Variants in FAM120A observed in about 807,000 individuals in gnomAD.
FAM120A encodes the protein constitutive coactivator of PPAR-gamma-like protein 1.
A neutral mutation model predicts 109.7 loss-of-function variants in FAM120A; 15 were observed. The ratio of observed to expected loss-of-function variants is 0.14; its 90% CI spans 0.09 to 0.21. The LOEUF (loss-of-function observed/expected upper bound fraction) is 0.21, where lower values mean the gene tolerates loss of function less well. Ranked by LOEUF, FAM120A falls within the 10% of genes least tolerant of loss-of-function variation. The probability of loss-of-function intolerance (pLI) is 1.00; values close to 1 mark genes in which losing one functional copy is unlikely to be tolerated. For synonymous variants in FAM120A, 493 were observed against 572.8 expected (o/e 0.86, Z 1.99); for missense variants, 899 against 1,439.3 (o/e 0.62, Z 6.07).
intron 2 of FAM120A, among the ~76,000 whole-genome samples, chr9:93,474,146 T>A (rs189139906): frequency 6.6e-6 from 1 of 152,316 alleles, no homozygotes; most frequent in African/African-American, 2.4e-5. Context: ...TCAAAAAGTT[T>A]AGTGAAGTTA....
chr9:93,563,689 G>A (rs1192920539), intron 17 of FAM120A, among the ~76,000 whole-genome samples: 1 of 152,168 alleles, frequency 6.6e-6, no homozygotes, highest in South Asian at 2.1e-4. Context: ...TTTTTTCAGA[G>A]GCTTATTTTT....
intron 10 of FAM120A, among the ~76,000 whole-genome samples, chr9:93,538,571 C>T (rs577719505): frequency 2.3e-3 from 357 of 152,290 alleles, no homozygotes; most frequent in African/African-American, 8.3e-3. Context: ...TTCATCTGCC[C>T]GCATCTCTTC....
rs1862372774 is a variant in FAM120A, at chr9:93,558,628, C to A, written c.2716C>A (p.Pro906Thr). The A allele has an allele frequency of 6.2e-7, 1 of 1,614,082 alleles. No individual in the cohort carries two copies. Among genetic ancestry groups the A allele is most frequent in the African/African-American group, 1.3e-5 (1 of 74,938 alleles). ...GPYGETVATG[P>T]YRAFRVAAAS... ...CTATGGGGAAACGGTAGCAACAGGCCCTTACCGTGCCTTCCGTGTGGCGGC... is the reference window on the plus strand; with the variant it reads ...CTATGGGGAAACGGTAGCAACAGGCACTTACCGTGCCTTCCGTGTGGCGGC... Residue 906 changes from proline (P) to threonine (T), a missense_variant, in exon 15 of 18, where the codon CCT becomes ACT. This residue lies in a region of FAM120A where 129 missense variants were observed against 153.4 expected (regional missense o/e 0.84). Coordinates refer to ENST00000277165, the MANE Select transcript of FAM120A (RefSeq NM_014612.5).
intron 7 of FAM120A, among the ~76,000 whole-genome samples, chr9:93,523,027 G>A (rs1661518420): frequency 6.6e-6 from 1 of 152,218 alleles, no homozygotes; most frequent in African/African-American, 2.4e-5. Flanking sequence ...GCATTCAAAT[G>A]TGCGTGACAG....
intron 8 of FAM120A, among the ~76,000 whole-genome samples, chr9:93,528,426 A>C (rs529028616): frequency 6.6e-6 from 1 of 152,356 alleles, no homozygotes; most frequent in South Asian, 2.1e-4. Context: ...CATTATTCTG[A>C]TAAAGTTTAT....
chr9:93,492,813 A>C (rs887080767), intron 3 of FAM120A, among the ~76,000 whole-genome samples: 2 of 152,226 alleles, frequency 1.3e-5, no homozygotes, highest in Middle Eastern at 3.2e-3. Context: ...ATTCACTTCA[A>C]GGATCTTTTA....
Position 93,476,232 on chromosome 9 carries a change from A to T in FAM120A, c.722-24A>T, listed in dbSNP as rs200096491. ...TATGTTACTTAAGATGATTGCTTTT[A>T]TGTTATCCATGTTTATATTCCAGGA... On this transcript the variant is annotated intron_variant, in intron 2 of 17. Transcript: ENST00000277165. The T allele has an allele frequency of 6.7e-5, 101 of 1,508,082 alleles. No individual in the cohort carries two copies. In the African/African-American group the frequency reaches 1.3e-3, roughly 19 times the overall value. 93.4% of individuals were successfully genotyped at this position (1,508,082 alleles called of 1,614,324 possible).
intron 2 of FAM120A, 27 bp downstream of exon 2, chr9:93,471,414 T>C: frequency 6.2e-7 from 1 of 1,613,088 alleles, no homozygotes. Flanking sequence ...GAAAATATTT[T>C]ATAAGGGAGT....
In FAM120A at chr9:93,471,218, G is replaced by A. The variant is rs758630108; in HGVS notation, c.552G>A (p.Ala184=). 80 of 1,614,126 alleles carry A rather than the reference G, an allele frequency of 5.0e-5. No individual in the cohort carries two copies. The highest frequency in any genetic ancestry group is 1.1e-4 in the East Asian group (5 of 44,888). ...AGAATGGTTTCCATGGCTTGGTTGC[G>A]TATGACTCTGATTATGCACTGTGCA... ...CRENGFHGLV[A]YDSDYALCNI... The change falls in exon 2 of 18, where the codon GCG becomes GCA. Residue 184 remains alanine, a synonymous_variant. Coordinates refer to ENST00000277165, the MANE Select transcript of FAM120A (RefSeq NM_014612.5).
intron 1 of FAM120A, among the ~76,000 whole-genome samples, chr9:93,467,579 G>A (rs531472493): frequency 8.5e-4 from 130 of 152,250 alleles, no homozygotes; most frequent in African/African-American, 2.9e-3. Context: ...ACTGAGGCCA[G>A]GTTGGGAGTG....
Position 93,452,551 on chromosome 9 carries a change from TG to T in FAM120A, c.474+164del. On this transcript the variant is annotated intron_variant, in intron 1 of 17. Transcript: ENST00000277165. The surrounding 1 kb of genome is among the most constrained non-coding windows in gnomAD (Gnocchi z 7.0). Reference sequence around the variant, plus strand: ...TGGCCGGGCCGGGCTGCAAGATGGATGGCCGCGGGTGCAGGCCGCGCGCTGC... The same window carrying T: ...TGGCCGGGCCGGGCTGCAAGATGGATGCCGCGGGTGCAGGCCGCGCGCTGC... 1 of 1,580,546 alleles carries T rather than the reference TG, an allele frequency of 6.3e-7. No individual in the cohort carries two copies. The highest frequency in any genetic ancestry group is 8.5e-7 in the Non-Finnish European group (1 of 1,169,956).
intron 5 of FAM120A, among the ~76,000 whole-genome samples, chr9:93,509,765 G>A (rs10992766): frequency 0.053 from 8,137 of 152,158 alleles, 291 homozygotes; most frequent in East Asian, 0.11. Flanking sequence ...GAGTGGTGGC[G>A]TACCTACTTC....
At chr9:93,531,195 TTA>T (rs1254739949) in intron 9 of FAM120A, 1 of 152,154 alleles carries the variant, frequency 6.6e-6, no homozygotes, top group Non-Finnish European at 1.5e-5. Context: ...GATGAGAGTG[TTA>T]GAACACATGT....
In FAM120A at chr9:93,452,284, C is replaced by T; in HGVS notation, c.369C>T (p.Val123=). ...GNERQTAQQI[V]SHVQNKGTPP... ...AGCGCCAGACGGCACAGCAGATCGT[C>T]AGCCATGTCCAGAACAAGGGCACCC... Residue 123 remains valine, a synonymous_variant, in exon 1 of 18, where the codon GTC becomes GTT. Transcript: ENST00000277165. This position sits in a 1 kb window ranked among gnomAD's most constrained non-coding sequence, Gnocchi z 7.0. 2 of 1,612,826 alleles carry T rather than the reference C, an allele frequency of 1.2e-6. No homozygotes were observed. The highest frequency in any genetic ancestry group is 1.3e-5 in the African/African-American group (1 of 75,064).
intron 3 of FAM120A, among the ~76,000 whole-genome samples, chr9:93,484,703 A>G (rs1174252841): frequency 6.6e-6 from 1 of 152,122 alleles, no homozygotes; most frequent in Non-Finnish European, 1.5e-5. Context: ...CCTCCCAAGT[A>G]GCTGGGACTA....
intron 8 of FAM120A, among the ~76,000 whole-genome samples, 158 bp downstream of exon 8, chr9:93,527,400 A>G (rs894670824): frequency 6.6e-6 from 1 of 152,164 alleles, no homozygotes; most frequent in Non-Finnish European, 1.5e-5. Context: ...GTTCAGAGCT[A>G]TGCCCAAGCC....
intron 11 of FAM120A, 27 bp from the exon 12 acceptor site, chr9:93,550,550 C>T (rs957287251): frequency 6.3e-7 from 1 of 1,585,532 alleles, no homozygotes; most frequent in African/African-American, 1.3e-5. Context: ...CAGTAATCAC[C>T]AACCTTTTGT....
At chr9:93,533,555 A>G (rs558812298) in intron 10 of FAM120A, among the ~76,000 whole-genome samples, 1 of 152,234 alleles carries the variant, frequency 6.6e-6, no homozygotes, top group Non-Finnish European at 1.5e-5. Flanking sequence ...GGTTCAGGAC[A>G]TTCTTCAATG....
intron 8 of FAM120A, among the ~76,000 whole-genome samples, 170 bp downstream of exon 8, chr9:93,527,412 G>A (rs1397359547): frequency 6.6e-6 from 1 of 152,054 alleles, no homozygotes; most frequent in Non-Finnish European, 1.5e-5. Flanking sequence ...GCCCAAGCCG[G>A]CTAGTCTTTC....
Sources: allele counts gnomAD v4.1 joint callset (sites outside exome capture counted in the v4.1 genomes callset), GRCh38; gene constraint gnomAD v4.1.1; regional missense constraint gnomAD v4.1.1; non-coding constraint Gnocchi (gnomAD v3.1); transcripts MANE v1.5; gene names NCBI Gene and HGNC (gene_info 2026-07-23, HGNC 2026-07-21).